Variants in NEK9 observed in about 807,000 individuals in gnomAD.
NEK9 encodes NIMA related kinase 9.
NEK9 carries 75 observed loss-of-function variants against 123.4 expected under a neutral mutation model. The observed-to-expected ratio is 0.61, with a 90% CI of 0.50 to 0.74. The LOEUF (loss-of-function observed/expected upper bound fraction) is 0.74. NEK9 is among the 30% of genes least tolerant of loss of function. NEK9 has a pLI of 0.00. For missense variants in NEK9, 952 were observed against 1,214.4 expected (o/e 0.78, Z 3.21); for synonymous variants, 438 against 458.7 (o/e 0.95, Z 0.58).
Position 75,095,530 on chromosome 14 carries a change from A to G in NEK9, c.2174-99T>C, listed in dbSNP as rs532307743. ...GGAGATAATTGCTCTCCTTGACTCC[A>G]GATAACTTTAGAACTATAACTTACA... is the stretch of plus-strand genomic sequence containing the variant. On this transcript the variant is annotated intron_variant, in intron 17 of 21. Transcript: ENST00000238616. The G allele has an allele frequency of 2.9e-5, 20 of 692,810 alleles. No homozygotes were observed. The Admixed American group carries it at 4.5e-4, about 15-fold the overall frequency. 42.9% of individuals were successfully genotyped at this position (692,810 alleles called of 1,614,324 possible).
At chr14:75,119,833 G>A (rs1303959571) in intron 4 of NEK9, among the ~76,000 whole-genome samples, 1 of 152,012 alleles carries the variant, frequency 6.6e-6, no homozygotes, top group South Asian at 2.1e-4. Context: ...TGAAAGATGC[G>A]AATAAACCAG....
chr14:75,104,716 C>T (rs937791485), intron 13 of NEK9, among the ~76,000 whole-genome samples: 1 of 152,094 alleles, frequency 6.6e-6, no homozygotes, highest in Non-Finnish European at 1.5e-5. Flanking sequence ...CTCCTGACCT[C>T]AAGTGATTTG....
intron 18 of NEK9, among the ~76,000 whole-genome samples, chr14:75,094,923 G>A (rs1266298425): frequency 6.6e-6 from 1 of 152,160 alleles, no homozygotes; most frequent in Non-Finnish European, 1.5e-5. Flanking sequence ...CATGAAGACA[G>A]CAGTCAAAGG....
rs1024787277 is a variant in NEK9, at chr14:75,080,373, T to C, written c.*4191A>G. The C allele has an allele frequency of 5.9e-5, 9 of 152,034 alleles. No individual in the cohort carries two copies. Among genetic ancestry groups the C allele is most frequent in the Non-Finnish European group, 1.0e-4 (7 of 68,020 alleles). The allele number at this position is 152,034 out of a possible 1,614,324, so 9.4% of individuals were successfully genotyped here. On this transcript the variant is annotated 3_prime_UTR_variant, in exon 22 of 22. Transcript: ENST00000238616. ...AAAAAAAGAAATATCTTTCATCTTT[T>C]AAATTTATCTTGATCTGGTCTCTGG...
At chr14:75,106,211 T>C (rs553285950) in intron 12 of NEK9, 1 of 588,620 alleles carries the variant, frequency 1.7e-6, no homozygotes. Context: ...TACAAAAAAT[T>C]AGCTGGGTGT....
intron 4 of NEK9, 121 bp downstream of exon 4, chr14:75,120,389 A>G (rs925638366): frequency 1.5e-5 from 9 of 604,976 alleles, no homozygotes; most frequent in African/African-American, 3.8e-5. Flanking sequence ...TTTCCTAGTG[A>G]TATCAATGGA....
chr14:75,091,486 A>G lies in NEK9; in HGVS notation c.2234-8T>C. 1 of 1,565,554 alleles carries G rather than the reference A, an allele frequency of 6.4e-7. No homozygotes were observed. The highest frequency in any genetic ancestry group is 8.6e-7 in the Non-Finnish European group (1 of 1,159,136). ...GGCTAGAGCTCTGAAACACTGACAG[A>G]TATACAGCACAGAAATAGACAGCTT... On this transcript the variant is annotated splice_region_variant and splice_polypyrimidine_tract_variant and intron_variant, in intron 18 of 21. Coordinates refer to ENST00000238616, the MANE Select transcript of NEK9 (RefSeq NM_033116.6).
At position 75,120,510 on chromosome 14, in the gene NEK9, C is replaced by A; in HGVS notation, c.524G>T (p.Arg175Ile). 1 of 1,609,608 alleles carries A rather than the reference C, an allele frequency of 6.2e-7. No homozygotes were observed. The highest frequency in any genetic ancestry group is 8.5e-7 in the Non-Finnish European group (1 of 1,176,764). Residue 175 changes from arginine (R) to isoleucine (I), a missense_variant and splice_region_variant, in exon 4 of 22, where the codon AGA becomes ATA. Physicochemically the swap from Arg to Ile is moderately conservative, Grantham distance 97. This residue lies in a region of NEK9 where 106 missense variants were observed against 153.0 expected (regional missense o/e 0.69). Coordinates refer to ENST00000238616, the MANE Select transcript of NEK9 (RefSeq NM_033116.6). ...SCIHKAGILH[R>I]DIKTLNIFLT... ...ATCCATAATTTTTTTTACTTCTTAC[C>A]TATGAAGGATTCCAGCTTTATGGAT...
chr14:75,099,338 G>A (rs759315306), intron 16 of NEK9, among the ~76,000 whole-genome samples: 28 of 151,842 alleles, frequency 1.8e-4, no homozygotes, highest in Non-Finnish European at 3.2e-4. Flanking sequence ...AAGAAAAAGA[G>A]AGAAAATGAA....
intron 4 of NEK9, among the ~76,000 whole-genome samples, chr14:75,120,151 T>A: frequency 6.6e-6 from 1 of 152,242 alleles, no homozygotes; most frequent in East Asian, 1.9e-4. Context: ...TTAAAAGATC[T>A]TAATTATAGA....
chr14:75,109,949 GT>G, intron 9 of NEK9, 72 bp from the exon 10 acceptor site: 1 of 1,430,266 alleles, frequency 7.0e-7, no homozygotes, highest in Non-Finnish European at 9.5e-7. Flanking sequence ...CTTCCAGTCT[GT>G]TCCCTGAGAA....
At chr14:75,101,619 G>A in intron 15 of NEK9, 38 bp downstream of exon 15, 2 of 1,395,512 alleles carry the variant, frequency 1.4e-6, no homozygotes, top group Non-Finnish European at 1.0e-6. Context: ...AAGAGGCTCA[G>A]CTACTAAGGC....
chr14:75,079,712 C>T lies in NEK9; in HGVS notation c.*4852G>A, dbSNP rs1481495239. 3.9e-5 allele frequency: 6 copies of T among 152,154 alleles called. No homozygotes were observed. In the East Asian group the frequency reaches 9.6e-4, roughly 24 times the overall value. 9.4% of individuals were successfully genotyped at this position (152,154 alleles called of 1,614,324 possible). ...TTCTGGAAACACTGGGCCAGCAACC[C>T]GCATGGCACAAATTGGGTGGGGTTT... On this transcript the variant is annotated 3_prime_UTR_variant, in exon 22 of 22. Coordinates refer to ENST00000238616, the MANE Select transcript of NEK9 (RefSeq NM_033116.6).
intron 4 of NEK9, among the ~76,000 whole-genome samples, chr14:75,119,473 G>A (rs147674094): frequency 2.0e-5 from 3 of 152,288 alleles, no homozygotes; most frequent in African/African-American, 4.8e-5. Flanking sequence ...ATCCTCTAGG[G>A]CTTCACAGCA....
intron 17 of NEK9, chr14:75,096,885 T>C (rs772364608): frequency 5.2e-4 from 208 of 400,008 alleles, no homozygotes; most frequent in Middle Eastern, 6.3e-4. Flanking sequence ...CCCAAACTTA[T>C]ATTAAAAAAT....
chr14:75,116,778 T>C (rs754300906), intron 6 of NEK9, among the ~76,000 whole-genome samples: 3 of 151,940 alleles, frequency 2.0e-5, no homozygotes, highest in Non-Finnish European at 4.4e-5. Flanking sequence ...TGAGACAGAG[T>C]CTTGCTCTGT....
At position 75,121,290 on chromosome 14, in the gene NEK9, G is replaced by T. The variant is rs935042151; in HGVS notation, c.398-116C>A. 11 of 686,498 alleles carry T rather than the reference G, an allele frequency of 1.6e-5. No individual in the cohort carries two copies. The Admixed American group carries it at 3.0e-4, about 19-fold the overall frequency. The allele number at this position is 686,498 out of a possible 1,614,324, so 42.5% of individuals were successfully genotyped here. A position where few individuals can be genotyped will look rare whatever the true frequency, so the allele number is the denominator to read the frequency against. On this transcript the variant is annotated intron_variant, in intron 2 of 21. Coordinates refer to ENST00000238616, the MANE Select transcript of NEK9 (RefSeq NM_033116.6). Reference sequence around the variant, plus strand: ...GAAGGATTCTGCTTTCTCTCCATAGGCAACTACTTCTTTTGACTTTTCACA... The same window carrying T: ...GAAGGATTCTGCTTTCTCTCCATAGTCAACTACTTCTTTTGACTTTTCACA...
Position 75,105,956 on chromosome 14 carries a change from T to C in NEK9, c.1569A>G (p.Pro523=). 6.2e-7 allele frequency: 1 copy of C among 1,613,056 alleles called. No individual in the cohort carries two copies. The highest frequency in any genetic ancestry group is 1.1e-5 in the South Asian group (1 of 91,058). Residue 523 remains proline, a synonymous_variant, in exon 13 of 22, where the codon CCA becomes CCG. Coordinates refer to ENST00000238616, the MANE Select transcript of NEK9 (RefSeq NM_033116.6). ...AAGTTGCTTCTGATTTTACCTTTTG[T>C]GGTGTATAATAATCCTCTTCTGAAT... ...GLDSEEDYYT[P]QKVDVPKALI... is the part of the protein sequence containing the mutation.
intron 8 of NEK9, among the ~76,000 whole-genome samples, chr14:75,111,574 T>A (rs1401551702): frequency 6.6e-6 from 1 of 152,084 alleles, no homozygotes; most frequent in Non-Finnish European, 1.5e-5. Flanking sequence ...ACTCAAGAAA[T>A]AAGAGATTAA....
Sources: allele counts gnomAD v4.1 joint callset (sites outside exome capture counted in the v4.1 genomes callset), GRCh38; gene constraint gnomAD v4.1.1; regional missense constraint gnomAD v4.1.1; transcripts MANE v1.5; gene names NCBI Gene and HGNC (gene_info 2026-07-23, HGNC 2026-07-21).